PTPN13: variants seen among roughly 807,000 people sequenced by gnomAD.
PTPN13 encodes tyrosine-protein phosphatase non-receptor type 13.
PTPN13 carries 191 observed loss-of-function variants against 284.0 expected under a neutral mutation model. The ratio of observed to expected loss-of-function variants is 0.67; its 90% CI spans 0.60 to 0.76. The LOEUF (loss-of-function observed/expected upper bound fraction) is 0.76. Ranked by LOEUF, PTPN13 falls within the 30% of genes least tolerant of loss-of-function variation. The pLI is 0.00. For synonymous variants in PTPN13, 986 were observed against 1,022.3 expected, an observed-to-expected ratio of 0.96 and a Z score of 0.68; for missense variants, 2,797 against 2,939.9, an observed-to-expected ratio of 0.95 and a Z score of 1.12.
intron 36 of PTPN13, among the ~76,000 whole-genome samples, chr4:86,781,459 T>C (rs1479871090): frequency 1.3e-5 from 2 of 152,220 alleles, no homozygotes; most frequent in Non-Finnish European, 2.9e-5. Context: ...TAAAAATACA[T>C]TAAAAGTTCT....
At chr4:86,705,485 A>G (rs528015586) in intron 7 of PTPN13, among the ~76,000 whole-genome samples, 11 of 152,214 alleles carry the variant, frequency 7.2e-5, no homozygotes, top group South Asian at 4.1e-4. Flanking sequence ...GATCCCTTTT[A>G]TGTGTGATAA....
chr4:86,813,053 G>GT (rs1381355900), intron 47 of PTPN13, among the ~76,000 whole-genome samples: 1 of 152,134 alleles, frequency 6.6e-6, no homozygotes, highest in Non-Finnish European at 1.5e-5. Context: ...GGATGAATGT[G>GT]TGGAAAAGTT....
At chr4:86,674,922 C>T (rs994681598) in intron 3 of PTPN13, among the ~76,000 whole-genome samples, 1 of 152,032 alleles carries the variant, frequency 6.6e-6, no homozygotes, top group African/African-American at 2.4e-5. Flanking sequence ...AAAAGGGATT[C>T]GAACATTGGA....
chr4:86,725,885 T>C lies in PTPN13; in HGVS notation c.1608+3451T>C, dbSNP rs935134862. Among the ~76,000 whole-genome samples the C allele has an allele frequency of 2.7e-5, 4 of 149,718 alleles. 1 individual carries two copies. Among genetic ancestry groups the C allele is most frequent in the African/African-American group, 9.7e-5 (4 of 41,026 alleles). ...TGCTTTTGGTGTGTTAGTCATGAAGTCCTTACCCATCCCCATGTCCTGAAT... is the reference window on the plus strand; with the variant it reads ...TGCTTTTGGTGTGTTAGTCATGAAGCCCTTACCCATCCCCATGTCCTGAAT... On this transcript the variant is annotated intron_variant, in intron 10 of 47. Coordinates refer to ENST00000411767, the MANE Select transcript of PTPN13 (RefSeq NM_080683.3).
intron 36 of PTPN13, among the ~76,000 whole-genome samples, chr4:86,781,597 C>T (rs561745591): frequency 9.9e-5 from 15 of 152,282 alleles, no homozygotes; most frequent in African/African-American, 3.6e-4. Flanking sequence ...TGATGGATCA[C>T]CCATTCAGTG....
chr4:86,742,661 C>CT (rs1301661452), intron 16 of PTPN13, among the ~76,000 whole-genome samples: 3 of 152,130 alleles, frequency 2.0e-5, no homozygotes, highest in Non-Finnish European at 2.9e-5. Context: ...AGAGATATCA[C>CT]TAAGATTTCC....
At chr4:86,681,907 C>T (rs1233284457) in intron 3 of PTPN13, among the ~76,000 whole-genome samples, 1 of 149,530 alleles carries the variant, frequency 6.7e-6, no homozygotes, top group African/African-American at 2.5e-5. Context: ...CCAGCCTGGG[C>T]GACAGAGTGA....
At position 86,675,629 on chromosome 4, in the gene PTPN13, A is replaced by G. The variant is rs192537245; in HGVS notation, c.294+3086A>G. Reference sequence around the variant, plus strand: ...AAACTGTACATGTTTGTATGAAAAAACTCCCTTACTATCAACTATGTAAAC... The same window carrying G: ...AAACTGTACATGTTTGTATGAAAAAGCTCCCTTACTATCAACTATGTAAAC... On this transcript the variant is annotated intron_variant, in intron 3 of 47. Transcript: ENST00000411767. 2.2e-3 allele frequency among the ~76,000 whole-genome samples: 336 copies of G among 151,688 alleles called. 2 individuals carry two copies. The highest frequency in any genetic ancestry group is 7.9e-3 in the African/African-American group (327 of 41,336).
intron 37 of PTPN13, 64 bp downstream of exon 37, chr4:86,782,326 T>C: frequency 5.8e-6 from 8 of 1,372,294 alleles, no homozygotes; most frequent in Non-Finnish European, 8.3e-6. Context: ...ATGTTTGTGT[T>C]TTGAACCAAA....
In PTPN13 at chr4:86,689,010, T is replaced by G; in HGVS notation, c.366T>G (p.Ile122Met). Residue 122 changes from isoleucine to methionine, a missense_variant, in exon 5 of 48, where the codon ATT (isoleucine) becomes ATG (methionine). Ile to Met is a conservative substitution (Grantham distance 10). Transcript: ENST00000411767. ...TTTCCTTTATTTATATTCAGCCTAT[T>G]AAGCTTGGAGATCATCTCAACAGCA... ...ADYEVPQSQP[I>M]KLGDHLNSIL... The G allele has an allele frequency of 6.4e-7, 1 of 1,552,186 alleles. No individual in the cohort carries two copies. The highest frequency in any genetic ancestry group is 8.9e-7 in the Non-Finnish European group (1 of 1,123,964).
intron 1 of PTPN13, among the ~76,000 whole-genome samples, chr4:86,604,614 G>A (rs938516138): frequency 4.0e-5 from 6 of 151,804 alleles, no homozygotes; most frequent in Non-Finnish European, 7.4e-5. Context: ...AGGTAAATCC[G>A]CCATGTCCCC....
At chr4:86,773,964 G>A (rs1173870503) in intron 32 of PTPN13, among the ~76,000 whole-genome samples, 1 of 151,640 alleles carries the variant, frequency 6.6e-6, no homozygotes, top group East Asian at 1.9e-4. Flanking sequence ...CTTTGCATCT[G>A]TTTAGAAATA....
At chr4:86,770,962 A>G (rs928129460) in intron 30 of PTPN13, among the ~76,000 whole-genome samples, 1 of 152,216 alleles carries the variant, frequency 6.6e-6, no homozygotes, top group South Asian at 2.1e-4. Context: ...CAAAATATAT[A>G]ATACTACTGT....
chr4:86,677,573 A>G (rs1021716344), intron 3 of PTPN13, among the ~76,000 whole-genome samples: 3 of 150,876 alleles, frequency 2.0e-5, no homozygotes, highest in Non-Finnish European at 4.4e-5. Context: ...TCGGCCTCCC[A>G]CAGTGCTGGG....
intron 7 of PTPN13, among the ~76,000 whole-genome samples, chr4:86,711,173 A>C (rs1289809418): frequency 6.9e-6 from 1 of 143,910 alleles, no homozygotes; most frequent in Non-Finnish European, 1.5e-5. Context: ...TGCTGTCTGA[A>C]TAAAGGCAAG....
At chr4:86,660,925 C>T (rs748837858) in intron 2 of PTPN13, among the ~76,000 whole-genome samples, 4 of 152,088 alleles carry the variant, frequency 2.6e-5, no homozygotes, top group Non-Finnish European at 2.9e-5. Context: ...TTCTCTAGTC[C>T]TATCCTTGGT....
At chr4:86,673,597 T>C (rs1056354364) in intron 3 of PTPN13, among the ~76,000 whole-genome samples, 3 of 152,234 alleles carry the variant, frequency 2.0e-5, no homozygotes, top group Non-Finnish European at 4.4e-5. Context: ...GGATCTATCA[T>C]ATTTTTAGGA....
At chr4:86,776,339 C>T (rs994034629) in intron 35 of PTPN13, among the ~76,000 whole-genome samples, 1 of 152,200 alleles carries the variant, frequency 6.6e-6, no homozygotes, top group African/African-American at 2.4e-5. Context: ...AATTTATTTG[C>T]TATTTTTAGT....
intron 47 of PTPN13, among the ~76,000 whole-genome samples, chr4:86,812,998 G>A (rs1360649529): frequency 2.0e-5 from 3 of 152,098 alleles, no homozygotes; most frequent in Non-Finnish European, 2.9e-5. Context: ...GTGATGTGAA[G>A]TAGATTTGCT....
Sources: allele counts gnomAD v4.1 joint callset (sites outside exome capture counted in the v4.1 genomes callset), GRCh38; gene constraint gnomAD v4.1.1; transcripts MANE v1.5; gene names NCBI Gene and HGNC (gene_info 2026-07-23, HGNC 2026-07-21).